TTI1: variants seen among roughly 807,000 people sequenced by gnomAD.
TTI1 encodes the protein TELO2-interacting protein 1 homolog.
TTI1 carries 52 observed loss-of-function variants against 85.4 expected under a neutral mutation model. The observed-to-expected ratio is 0.61, with a 90% CI of 0.49 to 0.77. The LOEUF (loss-of-function observed/expected upper bound fraction) is 0.77, where lower values mean the gene tolerates loss of function less well. Ranked by LOEUF, TTI1 falls within the 30% of genes least tolerant of loss-of-function variation. The pLI is 0.00. For synonymous variants in TTI1, 512 were observed against 503.9 expected (o/e 1.02, Z -0.22); for missense variants, 1,173 against 1,296.0 (o/e 0.91, Z 1.46).
intron 7 of TTI1, among the ~76,000 whole-genome samples, chr20:37,993,648 G>A (rs1302430945): frequency 2.6e-5 from 4 of 152,156 alleles, no homozygotes; most frequent in Non-Finnish European, 4.4e-5. Flanking sequence ...GAAGACAGGA[G>A]GCCTGGGAGC....
intron 1 of TTI1, among the ~76,000 whole-genome samples, chr20:38,032,957 G>A (rs865911680): frequency 6.6e-6 from 1 of 152,138 alleles, no homozygotes; most frequent in Non-Finnish European, 1.5e-5. Flanking sequence ...AAGTCAACTG[G>A]ACCCGCAGAC....
At chr20:38,024,004 G>T (rs2073804040) in intron 1 of TTI1, among the ~76,000 whole-genome samples, 1 of 152,122 alleles carries the variant, frequency 6.6e-6, no homozygotes, top group Non-Finnish European at 1.5e-5. Context: ...GTTTACAGCT[G>T]TCCCTTATAG....
chr20:37,990,654 G>A (rs887453686), intron 7 of TTI1, among the ~76,000 whole-genome samples: 4 of 152,158 alleles, frequency 2.6e-5, no homozygotes, highest in Non-Finnish European at 5.9e-5. Flanking sequence ...TTACTTCCAC[G>A]CCTCTGAGGT....
chr20:38,028,352 T>C (rs1180469459), intron 1 of TTI1, among the ~76,000 whole-genome samples: 1 of 152,104 alleles, frequency 6.6e-6, no homozygotes, highest in African/African-American at 2.4e-5. Flanking sequence ...CATGTAAGCA[T>C]TAATCAAAGG....
At chr20:38,028,138 C>G (rs1282259316) in intron 1 of TTI1, among the ~76,000 whole-genome samples, 1 of 152,146 alleles carries the variant, frequency 6.6e-6, no homozygotes, top group Non-Finnish European at 1.5e-5. Context: ...CCACAGTTGA[C>G]TGAATCTACA....
chr20:38,014,476 T>C (rs2073652477), intron 1 of TTI1, among the ~76,000 whole-genome samples: 1 of 152,086 alleles, frequency 6.6e-6, no homozygotes, highest in South Asian at 2.1e-4. Flanking sequence ...TTCCTGTCAT[T>C]AAGAGGTTTA....
At chr20:37,992,157 G>A (rs533249851) in intron 7 of TTI1, among the ~76,000 whole-genome samples, 26 of 152,328 alleles carry the variant, frequency 1.7e-4, no homozygotes, top group African/African-American at 5.5e-4. Flanking sequence ...CCACCTGCTG[G>A]CACCCTGCAT....
chr20:37,991,459 G>A (rs966089037), intron 7 of TTI1, among the ~76,000 whole-genome samples: 1 of 152,208 alleles, frequency 6.6e-6, no homozygotes, highest in Non-Finnish European at 1.5e-5. Context: ...GTCTGTGTTC[G>A]TCCAGGGTTT....
At chr20:38,005,336 T>TCCA (rs2073480690) in intron 3 of TTI1, among the ~76,000 whole-genome samples, 1 of 152,174 alleles carries the variant, frequency 6.6e-6, no homozygotes, top group South Asian at 2.1e-4. Flanking sequence ...TTCCGTGACC[T>TCCA]GAAGCTCCAG....
At chr20:38,030,413 C>T (rs1247637868) in intron 1 of TTI1, among the ~76,000 whole-genome samples, 1 of 151,992 alleles carries the variant, frequency 6.6e-6, no homozygotes, top group Non-Finnish European at 1.5e-5. Flanking sequence ...CCAGTATTAT[C>T]CTGATACCAA....
At chr20:38,020,336 A>G (rs1568629146) in intron 1 of TTI1, among the ~76,000 whole-genome samples, 1 of 116,246 alleles carries the variant, frequency 8.6e-6, no homozygotes, top group African/African-American at 3.2e-5. Flanking sequence ...ATATATATAT[A>G]TATATATATA....
At chr20:37,996,643 G>A (rs888793254) in intron 6 of TTI1, 106 bp downstream of exon 6, 3 of 1,415,844 alleles carry the variant, frequency 2.1e-6, no homozygotes, top group African/African-American at 2.8e-5. Context: ...ACGGAAGGAG[G>A]TACACAGAGG....
rs957259638 is a variant in TTI1, at chr20:37,983,052, G to A, written c.*404C>T. On this transcript the variant is annotated 3_prime_UTR_variant, in exon 8 of 8. Coordinates refer to ENST00000373447, the MANE Select transcript of TTI1 (RefSeq NM_001303457.2). ...TCATCCAAGAAGTGTCTTTATTTCC[G>A]TTTGTTTCCCAAAGATCAGGTTAGG... The A allele has an allele frequency of 5.8e-5, 9 of 156,172 alleles. No homozygotes were observed. The highest frequency in any genetic ancestry group is 1.9e-4 in the East Asian group (1 of 5,254). 9.7% of individuals were successfully genotyped at this position (156,172 alleles called of 1,614,324 possible). A position where few individuals can be genotyped will look rare whatever the true frequency, so the allele number is the denominator to read the frequency against.
At chr20:38,030,528 A>AACAC (rs3038751) in intron 1 of TTI1, among the ~76,000 whole-genome samples, 4,112 of 144,890 alleles carry the variant, frequency 0.028, 115 homozygotes, top group African/African-American at 0.071. Context: ...CAGTATGTAA[A>AACAC]ACACACACAC....
At chr20:38,007,215 A>G (rs1173936519) in intron 2 of TTI1, among the ~76,000 whole-genome samples, 1 of 152,280 alleles carries the variant, frequency 6.6e-6, no homozygotes, top group Non-Finnish European at 1.5e-5. Flanking sequence ...TTAGCAGAAT[A>G]CAGGCTTTAC....
At position 37,997,055 on chromosome 20, in the gene TTI1, G is replaced by GA. The variant is rs1190929520; in HGVS notation, c.2794-103dup. ...ATTTCATCTAGGTCTCTGCTTGGGG[G>GA]AAAAAAAAAATAGAATTACTGCTGT... On this transcript the variant is annotated intron_variant, in intron 5 of 7. Transcript: ENST00000373447. 8,936 of 1,100,926 alleles carry GA rather than the reference G, an allele frequency of 8.1e-3. 6 individuals carry two copies. Among genetic ancestry groups the GA allele is most frequent in the Middle Eastern group, 0.016 (71 of 4,514 alleles). 68.2% of individuals were successfully genotyped at this position (1,100,926 alleles called of 1,614,324 possible).
chr20:37,989,452 C>T (rs901484970), intron 7 of TTI1, among the ~76,000 whole-genome samples: 9 of 152,168 alleles, frequency 5.9e-5, no homozygotes, highest in South Asian at 2.1e-4. Flanking sequence ...AAGGATATGG[C>T]GCTGAGAGGT....
At chr20:38,009,949 G>A (rs946041224) in intron 2 of TTI1, among the ~76,000 whole-genome samples, 1 of 152,168 alleles carries the variant, frequency 6.6e-6, no homozygotes, top group Admixed American at 6.5e-5. Context: ...ACACTGAGGT[G>A]TTTATTTCCT....
intron 5 of TTI1, among the ~76,000 whole-genome samples, 169 bp from the exon 6 acceptor site, chr20:37,997,122 T>C (rs944967897): frequency 2.0e-5 from 3 of 152,088 alleles, no homozygotes; most frequent in African/African-American, 4.8e-5. Context: ...AGTTATGAAT[T>C]TGGAGGTCTC....
Sources: allele counts gnomAD v4.1 joint callset (sites outside exome capture counted in the v4.1 genomes callset), GRCh38; gene constraint gnomAD v4.1.1; transcripts MANE v1.5; gene names NCBI Gene and HGNC (gene_info 2026-07-23, HGNC 2026-07-21).